CCNJL: variants seen among roughly 807,000 people sequenced by gnomAD.
CCNJL encodes cyclin-J-like protein.
In CCNJL, 33 loss-of-function variants were observed where a neutral mutation model predicts 33.4. The observed-to-expected ratio is 0.99, with a 90% CI of 0.75 to 1.32. CCNJL has a LOEUF of 1.32. Among genes scored for constraint, CCNJL ranks in the 40% most tolerant of loss-of-function variants. CCNJL has a pLI of 0.00. For missense variants in CCNJL, 512 were observed against 499.7 expected (o/e 1.02, Z -0.23); for synonymous variants, 227 against 220.9 (o/e 1.03, Z -0.24).
Position 160,255,633 on chromosome 5 carries a change from A to C in CCNJL, c.659T>G (p.Leu220Arg). The change falls in exon 5 of 6, where the codon CTT becomes CGT. Residue 220 changes from leucine (L) to arginine (R), a missense_variant. Physicochemically the swap from Leu to Arg is moderately radical, Grantham distance 102. Coordinates refer to ENST00000257536, the MANE Select transcript of CCNJL (RefSeq NM_001308173.3). ...CAGGTCTCTGGTCCAGTAGGGAGAA[A>C]GCTGCAGGCAAATCCTGGAGGCCCC... Reference protein sequence around the residue: ...CVGASRICLQLSPYWTRDLQR... With the variant: ...CVGASRICLQRSPYWTRDLQR... The C allele has an allele frequency of 6.2e-7, 1 of 1,614,138 alleles. No homozygotes were observed. The highest frequency in any genetic ancestry group is 8.5e-7 in the Non-Finnish European group (1 of 1,179,994).
rs1047257062 is a variant in CCNJL at position 160,312,492 on chromosome 5, C to G, written c.-178G>C. 6.6e-6 allele frequency: 1 copy of G among 151,828 alleles called. No homozygotes were observed. The highest frequency in any genetic ancestry group is 1.5e-5 in the Non-Finnish European group (1 of 67,924). 9.4% of individuals were successfully genotyped at this position (151,828 alleles called of 1,614,324 possible). A position where few individuals can be genotyped will look rare whatever the true frequency, so the allele number is the denominator to read the frequency against. On this transcript the variant is annotated 5_prime_UTR_variant, in exon 1 of 6. Coordinates refer to ENST00000257536, the MANE Select transcript of CCNJL (RefSeq NM_001308173.3). The stretch of plus-strand genomic sequence containing the variant: ...GCTCCGCACTCCCGACGGCCGCCTC[C>G]GCAGCCCGACTAGCCCCCGCCGTCG...
chr5:160,289,232 C>T (rs1382667406), intron 2 of CCNJL, among the ~76,000 whole-genome samples: 2 of 152,190 alleles, frequency 1.3e-5, no homozygotes, highest in Non-Finnish European at 2.9e-5. Flanking sequence ...GTCCCCTGCC[C>T]CCCACAGAAG....
At chr5:160,293,771 A>G (rs1762662091) in intron 2 of CCNJL, among the ~76,000 whole-genome samples, 2 of 152,210 alleles carry the variant, frequency 1.3e-5, no homozygotes, top group South Asian at 4.1e-4. Context: ...GCCACACTGC[A>G]GGTGAGTGGT....
chr5:160,304,908 G>A (rs1236383044), intron 2 of CCNJL, among the ~76,000 whole-genome samples: 1 of 151,888 alleles, frequency 6.6e-6, no homozygotes, highest in Non-Finnish European at 1.5e-5. Context: ...CCGCCTCCCA[G>A]GTTCAAGCAA....
intron 3 of CCNJL, among the ~76,000 whole-genome samples, chr5:160,277,948 C>T (rs1285603708): frequency 6.6e-6 from 1 of 151,898 alleles, no homozygotes; most frequent in Non-Finnish European, 1.5e-5. Flanking sequence ...GTTCTTGTTG[C>T]CCAGGCTGGA....
rs1760893928 is a variant in CCNJL at position 160,253,390 on chromosome 5, G to A, written c.1152C>T (p.Cys384=). Reference sequence around the variant, plus strand: ...GTCTGGAGGTGGCCTATCTGTCAAAGCAGCCGGTGGGGAACATGTGGCTCC... The same window carrying A: ...GTCTGGAGGTGGCCTATCTGTCAAAACAGCCGGTGGGGAACATGTGGCTCC... The part of the protein sequence containing the change: ...FSGSHMFPTG[C]FDR The change falls in exon 6 of 6, where the codon TGC becomes TGT. Residue 384 remains cysteine, a synonymous_variant. Coordinates refer to ENST00000257536, the MANE Select transcript of CCNJL (RefSeq NM_001308173.3). The A allele has an allele frequency of 6.3e-7, 1 of 1,578,982 alleles. No homozygotes were observed.
intron 1 of CCNJL, among the ~76,000 whole-genome samples, chr5:160,330,660 C>A (rs1763594847): frequency 9.4e-6 from 1 of 106,346 alleles, no homozygotes; most frequent in Admixed American, 9.3e-5. Context: ...CTGCTCCTGT[C>A]TTTTCTTTTC....
chr5:160,339,400 C>A, intron 1 of CCNJL: 2 of 371,412 alleles, frequency 5.4e-6, no homozygotes. Flanking sequence ...CCCCAAAACA[C>A]ATCCAAACAC....
At chr5:160,295,436 C>T (rs930054066) in intron 2 of CCNJL, among the ~76,000 whole-genome samples, 6 of 152,100 alleles carry the variant, frequency 3.9e-5, no homozygotes, top group African/African-American at 9.7e-5. Flanking sequence ...TGTAGTGAGC[C>T]GAGATCGCGC....
chr5:160,259,620 C>T lies in CCNJL; in HGVS notation c.432G>A (p.Leu144=), dbSNP rs780291116. The change falls in exon 4 of 6, where the codon CTG becomes CTA. Residue 144 remains leucine (L), a synonymous_variant. Coordinates refer to ENST00000257536, the MANE Select transcript of CCNJL (RefSeq NM_001308173.3). ...LLEAFSWNLC[L]PTPAHFLDYY... ...AGTCCAGGAAGTGGGCAGGCGTGGG[C>T]AGGCAGAGGTTCCAGCTGAAGGCCT... is the stretch of plus-strand genomic sequence containing the variant. The T allele has an allele frequency of 6.2e-7, 1 of 1,614,178 alleles. No individual in the cohort carries two copies. The highest frequency in any genetic ancestry group is 1.1e-5 in the South Asian group (1 of 91,080).
At chr5:160,265,233 T>C (rs1411017111) in intron 3 of CCNJL, among the ~76,000 whole-genome samples, 1 of 152,308 alleles carries the variant, frequency 6.6e-6, no homozygotes, top group East Asian at 1.9e-4. Flanking sequence ...CATTCAGGGC[T>C]ACCTGCTGCC....
intron 2 of CCNJL, among the ~76,000 whole-genome samples, chr5:160,289,765 C>A (rs990954621): frequency 6.6e-6 from 1 of 152,188 alleles, no homozygotes; most frequent in Non-Finnish European, 1.5e-5. Context: ...TCTGAAGATT[C>A]CAGGCATGTG....
chr5:160,304,695 G>A (rs1361639991), intron 2 of CCNJL, among the ~76,000 whole-genome samples: 1 of 151,992 alleles, frequency 6.6e-6, no homozygotes, highest in Non-Finnish European at 1.5e-5. Context: ...TGATTTGGGG[G>A]GAACTTTCCC....
chr5:160,304,428 ACT>A (rs1342112666), intron 2 of CCNJL, among the ~76,000 whole-genome samples: 1 of 152,116 alleles, frequency 6.6e-6, no homozygotes, highest in African/African-American at 2.4e-5. Context: ...TGCAGGTTAG[ACT>A]GCAGGAAATT....
chr5:160,319,508 C>A (rs892974274), intron 1 of CCNJL, among the ~76,000 whole-genome samples: 2 of 152,226 alleles, frequency 1.3e-5, no homozygotes, highest in Non-Finnish European at 1.5e-5. Context: ...TTCTCCCACA[C>A]CTGCATCTAT....
intron 3 of CCNJL, among the ~76,000 whole-genome samples, chr5:160,260,313 C>A (rs933556396): frequency 6.6e-6 from 1 of 152,134 alleles, no homozygotes; most frequent in Admixed American, 6.5e-5. Context: ...TAAACGGGGT[C>A]TTAGTGTGGG....
chr5:160,259,529 G>A lies in CCNJL; in HGVS notation c.523C>T (p.Arg175Cys), dbSNP rs200898721. 4.2e-4 allele frequency: 685 copies of A among 1,614,162 alleles called. 1 individual carries two copies. Among genetic ancestry groups the A allele is most frequent in the African/African-American group, 7.6e-4 (57 of 75,052 alleles). Residue 175 changes from arginine to cysteine, a missense_variant, in exon 4 of 6, where the codon CGC (arginine) becomes TGC (cysteine). Physicochemically the swap from Arg to Cys is radical, Grantham distance 180. Transcript: ENST00000257536. ...HCHTWPTTCP[R>C]KTKECLKEYA... ...TCCTTGAGGCACTCTTTGGTCTTGC[G>A]GGGGCAGGTGGTGGGCCAGGTGTGG...
intron 2 of CCNJL, among the ~76,000 whole-genome samples, chr5:160,307,791 A>G (rs905329286): frequency 6.6e-6 from 1 of 152,154 alleles, no homozygotes; most frequent in East Asian, 1.9e-4. Context: ...CTGCAGATGC[A>G]GCAGGGACAG....
intron 3 of CCNJL, among the ~76,000 whole-genome samples, chr5:160,268,609 G>C (rs1230566615): frequency 2.0e-5 from 3 of 152,220 alleles, no homozygotes. Flanking sequence ...TCATCTGTAA[G>C]AGGGTGCTTC....
Sources: allele counts gnomAD v4.1 joint callset (sites outside exome capture counted in the v4.1 genomes callset), GRCh38; gene constraint gnomAD v4.1.1; transcripts MANE v1.5; gene names NCBI Gene and HGNC (gene_info 2026-07-23, HGNC 2026-07-21).